The following COL16A1 variants were observed in gnomAD, a reference collection of about 807,000 sequenced individuals.
COL16A1 encodes collagen type XVI alpha 1 chain, also known as collagen alpha-1(XVI) chain.
A neutral mutation model predicts 266.3 loss-of-function variants in COL16A1; 189 were observed. The ratio of observed to expected loss-of-function variants is 0.71; its 90% CI spans 0.63 to 0.80. The LOEUF (loss-of-function observed/expected upper bound fraction) is 0.80. Ranked by LOEUF, COL16A1 falls within the 30% of genes least tolerant of loss-of-function variation. The probability of loss-of-function intolerance (pLI) is 0.00; values close to 1 mark genes in which losing one functional copy is unlikely to be tolerated. For synonymous variants in COL16A1, 740 were observed against 782.3 expected (o/e 0.95, Z 0.90); for missense variants, 1,928 against 2,122.4 (o/e 0.91, Z 1.80).
intron 30 of COL16A1, 89 bp downstream of exon 30, chr1:31,684,732 G>T (rs962137912): frequency 8.7e-6 from 14 of 1,610,100 alleles, no homozygotes; most frequent in Non-Finnish European, 1.2e-5. Flanking sequence ...GGGGCTGAGG[G>T]TTGGGGGCTA....
At chr1:31,658,985 G>T in intron 62 of COL16A1, 21 bp from the exon 63 acceptor site, 1 of 1,552,170 alleles carries the variant, frequency 6.4e-7, no homozygotes, top group South Asian at 1.2e-5. Context: ...ATGAGTCAGT[G>T]GGATAGAAAC....
Position 31,684,522 on chromosome 1 carries a change from C to A in COL16A1, c.2160+1G>T, listed in dbSNP as rs777563361. ...GACCCCAACCACCCCGCCTGACTAACCTTTTCTCCTTTTGGCCCCGCGGGG... is the reference window on the plus strand; with the variant it reads ...GACCCCAACCACCCCGCCTGACTAAACTTTTCTCCTTTTGGCCCCGCGGGG... On this transcript the variant is annotated splice_donor_variant, in intron 31 of 70. Coordinates refer to ENST00000373672, the MANE Select transcript of COL16A1 (RefSeq NM_001856.4). LOFTEE classifies it high-confidence loss of function. 6.8e-6 allele frequency: 11 copies of A among 1,611,562 alleles called. No individual in the cohort carries two copies. In the East Asian group the frequency reaches 1.3e-4, roughly 20 times the overall value.
intron 37 of COL16A1, among the ~76,000 whole-genome samples, chr1:31,682,016 CT>C (rs200502738): frequency 3.9e-5 from 1 of 25,644 alleles, no homozygotes; most frequent in Admixed American, 4.1e-4. Context: ...TACAGTTCAC[CT>C]GGGCTATTTT....
At chr1:31,679,986 A>T in intron 40 of COL16A1, 56 bp downstream of exon 40, 1 of 1,605,180 alleles carries the variant, frequency 6.2e-7, no homozygotes, top group Non-Finnish European at 8.5e-7. Context: ...GCACCAGACG[A>T]GGCTGAAGCT....
In COL16A1 at chr1:31,700,067, C is replaced by T; in HGVS notation, c.122G>A (p.Ser41Asn). 1 of 1,614,154 alleles carries T rather than the reference C, an allele frequency of 6.2e-7. No individual in the cohort carries two copies. The highest frequency in any genetic ancestry group is 8.5e-7 in the Non-Finnish European group (1 of 1,180,038). Residue 41 changes from serine to asparagine, a missense_variant, in exon 3 of 71, where the codon AGT becomes AAT. Transcript: ENST00000373672. ...SQQEGLKLEH[S>N]SSLPANVTGF... ...AGTCACGTTGGCTGGCAGGCTACTA[C>T]TGTGTTCCAATTTGAGTCCTTCCTG...
intron 2 of COL16A1, 120 bp from the exon 3 acceptor site, chr1:31,700,235 G>T: frequency 1.1e-6 from 1 of 903,278 alleles, no homozygotes; most frequent in South Asian, 1.5e-5. Context: ...CCATCAGCTA[G>T]ATCCTGCCTT....
intron 64 of COL16A1, among the ~76,000 whole-genome samples, chr1:31,658,052 G>A (rs966330204): frequency 6.6e-6 from 1 of 152,212 alleles, no homozygotes; most frequent in Non-Finnish European, 1.5e-5. Flanking sequence ...GGCACACATC[G>A]GTGACCGATA....
At chr1:31,696,238 A>T (rs1644494023) in intron 8 of COL16A1, 97 bp from the exon 9 acceptor site, 1 of 1,104,096 alleles carries the variant, frequency 9.1e-7, no homozygotes, top group Non-Finnish European at 1.4e-6. Context: ...GGCCCCAGGT[A>T]ATCCTTCAGC....
Position 31,697,617 on chromosome 1 carries a change from G to A in COL16A1, c.657+289C>T, listed in dbSNP as rs72662997. 0.071 allele frequency among the ~76,000 whole-genome samples: 10,774 copies of A among 152,232 alleles called. 572 individuals are homozygous for A. Among genetic ancestry groups the A allele is most frequent in the Admixed American group, 0.12 (1,780 of 15,304 alleles). The stretch of plus-strand genomic sequence containing the variant: ...GGTGGAGGTAACAGCGTAGGCAAAG[G>A]CACGGCAGTGTGAAAGCACTGGGTG... On this transcript the variant is annotated intron_variant, in intron 6 of 70. Transcript: ENST00000373672. This position sits in a 1 kb window ranked among gnomAD's most constrained non-coding sequence, Gnocchi z 4.2.
Position 31,698,492 on chromosome 1 carries a change from C to A in COL16A1, c.381G>T (p.Gly127=), listed in dbSNP as rs761992993. 1 of 1,614,110 alleles carries A rather than the reference C, an allele frequency of 6.2e-7. No homozygotes were observed. The highest frequency in any genetic ancestry group is 8.5e-7 in the Non-Finnish European group (1 of 1,180,018). ...WYLFQVTDAN[G]YPQISLEVNS... ...CACAGGGGAGGTTCACCTGTGGATA[C>A]CCATTTGCATCGGTCACTTGAAACA... Residue 127 remains glycine, a synonymous_variant, in exon 5 of 71, where the codon GGG becomes GGT. Coordinates refer to ENST00000373672, the MANE Select transcript of COL16A1 (RefSeq NM_001856.4). This position sits in a 1 kb window ranked among gnomAD's most constrained non-coding sequence, Gnocchi z 4.1.
At position 31,666,081 on chromosome 1, in the gene COL16A1, C is replaced by T; in HGVS notation, c.3358G>A (p.Gly1120Ser). 6.2e-7 allele frequency: 1 copy of T among 1,609,804 alleles called. No homozygotes were observed. Among genetic ancestry groups the T allele is most frequent in the South Asian group, 1.1e-5 (1 of 90,866 alleles). ...TGSAGEKGEP[G>S]PPGSEGLPGP... ...GGGAGGCCTTCAGATCCTGGGGGGC[C>T]CTAAGGATACAAAGGAACAGAATCA... Residue 1120 changes from glycine (G) to serine (S), a missense_variant and splice_region_variant, in exon 53 of 71, where the codon GGC (glycine) becomes AGC (serine). By Grantham distance (56) the Gly-to-Ser change is moderately conservative (BLOSUM62 0). Coordinates refer to ENST00000373672, the MANE Select transcript of COL16A1 (RefSeq NM_001856.4).
In COL16A1 at chr1:31,668,244, A is replaced by C. The variant is rs1351035158; in HGVS notation, c.3250-26T>G. The C allele has an allele frequency of 1.9e-6, 3 of 1,612,212 alleles. No individual in the cohort carries two copies. The highest frequency in any genetic ancestry group is 2.5e-6 in the Non-Finnish European group (3 of 1,178,552). On this transcript the variant is annotated intron_variant, in intron 50 of 70. Coordinates refer to ENST00000373672, the MANE Select transcript of COL16A1 (RefSeq NM_001856.4). The surrounding 1 kb of genome is among the most constrained non-coding windows in gnomAD (Gnocchi z 5.8). ...CTGCAAAGAAAGGCAGACATGATGGATAGCCCCCCAACATTTCTGTTCTCC... is the reference window on the plus strand; with the variant it reads ...CTGCAAAGAAAGGCAGACATGATGGCTAGCCCCCCAACATTTCTGTTCTCC...
chr1:31,672,756 G>A lies in COL16A1; in HGVS notation c.2944C>T (p.Pro982Ser), dbSNP rs1467596503. ...EKGEKGDQGI[P>S]GVPGLDNCAQ... The stretch of plus-strand genomic sequence containing the variant: ...CAGTTGTCGAGGCCTGGCACACCAG[G>A]GATGCCCTGGTCTCCCTTCTCTCCC... Residue 982 changes from proline (P) to serine (S), a missense_variant, in exon 45 of 71, where the codon CCT becomes TCT. Pro to Ser is a moderately conservative substitution (Grantham distance 74, BLOSUM62 -1). Coordinates refer to ENST00000373672, the MANE Select transcript of COL16A1 (RefSeq NM_001856.4). 1 of 1,614,166 alleles carries A rather than the reference G, an allele frequency of 6.2e-7. No individual in the cohort carries two copies. Among genetic ancestry groups the A allele is most frequent in the Admixed American group, 1.7e-5 (1 of 60,026 alleles).
In COL16A1 at chr1:31,693,324, A is replaced by G. The variant is rs542604804; in HGVS notation, c.1009-170T>C. On this transcript the variant is annotated intron_variant, in intron 12 of 70. Coordinates refer to ENST00000373672, the MANE Select transcript of COL16A1 (RefSeq NM_001856.4). ...ACGCCTCCCCCCACCACACACAAGCATATGGATTCCACACCTGTTCATCCA... is the reference window on the plus strand; with the variant it reads ...ACGCCTCCCCCCACCACACACAAGCGTATGGATTCCACACCTGTTCATCCA... 2.9e-5 allele frequency: 18 copies of G among 617,844 alleles called. No individual in the cohort carries two copies. In the African/African-American group the frequency reaches 3.0e-4, roughly 10 times the overall value. The allele number at this position is 617,844 out of a possible 1,614,324, so 38.3% of individuals were successfully genotyped here. A position where few individuals can be genotyped will look rare whatever the true frequency, so the allele number is the denominator to read the frequency against.
In COL16A1 at chr1:31,692,593, C is replaced by T. The variant is rs762426764; in HGVS notation, c.1158+5G>A. On this transcript the variant is annotated splice_donor_5th_base_variant and intron_variant, in intron 15 of 70. Transcript: ENST00000373672. ...TCCCTGCCCTATCCCTGGTCCCACA[C>T]TCACCAGAGCTCCTGACTCCCCCTT... 1.9e-6 allele frequency: 3 copies of T among 1,614,164 alleles called. No individual in the cohort carries two copies. The South Asian group carries it at 3.3e-5, about 18-fold the overall frequency.
rs59984021 is a variant in COL16A1 at position 31,699,117 on chromosome 1, CCAAA to C, written c.267-515_267-512del. On this transcript the variant is annotated intron_variant, in intron 4 of 70. Transcript: ENST00000373672. Reference sequence around the variant, plus strand: ...CTCAAAAAGAAAACCAACCAACCAACCAAACAAACAAACAAACAAAAAACCCACA... The same window carrying C: ...CTCAAAAAGAAAACCAACCAACCAACCAAACAAACAAACAAAAAACCCACA... 4.5e-3 allele frequency among the ~76,000 whole-genome samples: 681 copies of C among 150,774 alleles called. 6 individuals are homozygous for C. Among genetic ancestry groups the C allele is most frequent in the East Asian group, 0.033 (169 of 5,154 alleles).
Position 31,656,368 on chromosome 1 carries a change from TCTC to T in COL16A1, c.4101+29_4101+31del, listed in dbSNP as rs770907228. ...GCTGGGCTTCATCCACTCGTGAGCTTCTCCTCTCAAGCCCAGCCAGTGCCCACT... is the reference window on the plus strand; with the variant it reads ...GCTGGGCTTCATCCACTCGTGAGCTTCTCTCAAGCCCAGCCAGTGCCCACT... On this transcript the variant is annotated intron_variant, in intron 66 of 70. Coordinates refer to ENST00000373672, the MANE Select transcript of COL16A1 (RefSeq NM_001856.4). This position sits in a 1 kb window ranked among gnomAD's most constrained non-coding sequence, Gnocchi z 4.2. 1.9e-6 allele frequency: 3 copies of T among 1,612,112 alleles called. No homozygotes were observed. The Admixed American group carries it at 5.0e-5, about 27-fold the overall frequency.
Position 31,662,331 on chromosome 1 carries a change from C to T in COL16A1, c.3681+3G>A, listed in dbSNP as rs1475941214. ...TGCCCGCCCTCCCAGCCCATCATCT[C>T]ACCCTCAAGCCAGGCTTGCCGTCCT... is the stretch of plus-strand genomic sequence containing the variant. On this transcript the variant is annotated splice_donor_region_variant and intron_variant, in intron 58 of 70. Coordinates refer to ENST00000373672, the MANE Select transcript of COL16A1 (RefSeq NM_001856.4). 12 of 1,437,436 alleles carry T rather than the reference C, an allele frequency of 8.3e-6. No homozygotes were observed. The highest frequency in any genetic ancestry group is 1.1e-5 in the Non-Finnish European group (11 of 1,038,930). 89.0% of individuals were successfully genotyped at this position (1,437,436 alleles called of 1,614,324 possible). A position where few individuals can be genotyped will look rare whatever the true frequency, so the allele number is the denominator to read the frequency against.
chr1:31,672,975 C>T lies in COL16A1; in HGVS notation c.2860-135G>A, dbSNP rs761587084. 76 of 820,876 alleles carry T rather than the reference C, an allele frequency of 9.3e-5. No homozygotes were observed. In the Admixed American group the frequency reaches 1.1e-3, roughly 12 times the overall value. 50.8% of individuals were successfully genotyped at this position (820,876 alleles called of 1,614,324 possible). A position where few individuals can be genotyped will look rare whatever the true frequency, so the allele number is the denominator to read the frequency against. Reference sequence around the variant, plus strand: ...TTCCCTCCTCCCACACTCCCTCCCTCCCCAGCCGCATCCCTGCGGCAGCTT... The same window carrying T: ...TTCCCTCCTCCCACACTCCCTCCCTTCCCAGCCGCATCCCTGCGGCAGCTT... On this transcript the variant is annotated intron_variant, in intron 44 of 70. Coordinates refer to ENST00000373672, the MANE Select transcript of COL16A1 (RefSeq NM_001856.4).
Sources: allele counts gnomAD v4.1 joint callset (sites outside exome capture counted in the v4.1 genomes callset), GRCh38; gene constraint gnomAD v4.1.1; non-coding constraint Gnocchi (gnomAD v3.1); transcripts MANE v1.5; gene names NCBI Gene and HGNC (gene_info 2026-07-23, HGNC 2026-07-21).